Variants in AGGF1 observed in about 807,000 individuals in gnomAD.
The protein encoded by AGGF1 is angiogenic factor with G patch and FHA domains 1.
In AGGF1, 56 loss-of-function variants were observed where a neutral mutation model predicts 86.5. The observed-to-expected ratio is 0.65, with a 90% confidence interval of 0.52 to 0.81. The LOEUF (loss-of-function observed/expected upper bound fraction) is 0.81. Ranked by LOEUF, AGGF1 falls within the 30% of genes least tolerant of loss-of-function variation. AGGF1 has a pLI of 0.00. For synonymous variants in AGGF1, 313 were observed against 297.1 expected, an observed-to-expected ratio of 1.05 and a Z score of -0.55; for missense variants, 816 against 850.9, an observed-to-expected ratio of 0.96 and a Z score of 0.51.
In AGGF1 at chr5:77,042,798, G is replaced by C. The variant is rs1361741347; in HGVS notation, c.870+3079G>C. Among the ~76,000 whole-genome samples the C allele has an allele frequency of 1.0e-4, 6 of 57,438 alleles. 2 individuals are homozygous for C. Among genetic ancestry groups the C allele is most frequent in the Non-Finnish European group, 2.2e-4 (5 of 22,544 alleles). The allele number at this position is 57,438 out of a possible 152,430, so 37.7% of individuals were successfully genotyped here. On this transcript the variant is annotated intron_variant, in intron 5 of 13. Coordinates refer to ENST00000312916, the MANE Select transcript of AGGF1 (RefSeq NM_018046.5). The stretch of plus-strand genomic sequence containing the variant: ...CACCTCCCTCCCGGACGGGGCGGCT[G>C]GCCGGGCGGGGGCTGACCCCCCCAC...
intron 13 of AGGF1, 46 bp from the exon 14 acceptor site, chr5:77,063,006 G>A: frequency 6.2e-7 from 1 of 1,600,072 alleles, no homozygotes; most frequent in Admixed American, 1.7e-5. Flanking sequence ...AGATTTCAAT[G>A]TGTTTAGACT....
At chr5:77,032,261 A>AAAC (rs920103655) in intron 1 of AGGF1, among the ~76,000 whole-genome samples, 15 of 150,092 alleles carry the variant, frequency 1.0e-4, no homozygotes, top group African/African-American at 3.7e-4. Flanking sequence ...GTAAAAAAAA[A>AAAC]AAAAAAAAAA....
At chr5:77,051,402 C>T (rs1048112378) in intron 8 of AGGF1, among the ~76,000 whole-genome samples, 2 of 149,074 alleles carry the variant, frequency 1.3e-5, no homozygotes, top group Admixed American at 6.7e-5. Context: ...CACTGCACTC[C>T]GGCCTGGGCA....
intron 1 of AGGF1, 37 bp from the exon 2 acceptor site, chr5:77,034,381 C>G (rs1746925358): frequency 2.4e-6 from 3 of 1,263,578 alleles, no homozygotes; most frequent in Middle Eastern, 2.0e-4. Flanking sequence ...TAGATTGTTA[C>G]ATGATTTCTT....
chr5:77,062,136 A>G (rs182512780), intron 13 of AGGF1, among the ~76,000 whole-genome samples: 23 of 152,346 alleles, frequency 1.5e-4, no homozygotes, highest in African/African-American at 5.3e-4. Context: ...GTTTACAAAC[A>G]GGTGGATTGT....
chr5:77,063,633 C>T lies in AGGF1; in HGVS notation c.*381C>T, dbSNP rs748988557. 11 of 199,044 alleles carry T rather than the reference C, an allele frequency of 5.5e-5. No homozygotes were observed. The highest frequency in any genetic ancestry group is 8.2e-5 in the Non-Finnish European group (8 of 97,224). The allele number at this position is 199,044 out of a possible 1,614,324, so 12.3% of individuals were successfully genotyped here. A position where few individuals can be genotyped will look rare whatever the true frequency, so the allele number is the denominator to read the frequency against. On this transcript the variant is annotated 3_prime_UTR_variant, in exon 14 of 14. Transcript: ENST00000312916. ...CATGTAAGATGCACAACAAAAGAAA[C>T]ATCAGAAGTTTATAAAAATAAATCT...
At chr5:77,041,719 G>A (rs550199863) in intron 5 of AGGF1, among the ~76,000 whole-genome samples, 9 of 150,886 alleles carry the variant, frequency 6.0e-5, no homozygotes, top group South Asian at 4.2e-4. Context: ...GTCCAGCCTC[G>A]CTCCCATAAC....
At chr5:77,048,709 A>T (rs1373513262) in intron 7 of AGGF1, among the ~76,000 whole-genome samples, 1 of 152,212 alleles carries the variant, frequency 6.6e-6, no homozygotes, top group Non-Finnish European at 1.5e-5. Context: ...CAAAATGTCT[A>T]CCCAAAGGAA....
chr5:77,049,028 A>G, intron 8 of AGGF1, 41 bp downstream of exon 8: 3 of 1,573,062 alleles, frequency 1.9e-6, no homozygotes, highest in Non-Finnish European at 1.7e-6. Context: ...CCTAGATGTA[A>G]TTTTTTATAT....
At chr5:77,046,092 G>A (rs1376850458) in intron 5 of AGGF1, among the ~76,000 whole-genome samples, 1 of 152,168 alleles carries the variant, frequency 6.6e-6, no homozygotes, top group African/African-American at 2.4e-5. Context: ...AAAGTCTGTA[G>A]CACTTCGTAA....
intron 12 of AGGF1, 91 bp downstream of exon 12, chr5:77,059,834 G>A: frequency 6.7e-7 from 1 of 1,499,038 alleles, no homozygotes; most frequent in Admixed American, 1.7e-5. Flanking sequence ...TATCCTGATA[G>A]GTGGCCTATT....
chr5:77,057,961 G>C (rs568132442), intron 11 of AGGF1, among the ~76,000 whole-genome samples: 1 of 152,264 alleles, frequency 6.6e-6, no homozygotes, highest in South Asian at 2.1e-4. Flanking sequence ...CACCATTTAT[G>C]TAAACTTCTA....
intron 2 of AGGF1, 31 bp from the exon 3 acceptor site, chr5:77,035,507 TATG>T: frequency 1.3e-6 from 2 of 1,510,668 alleles, no homozygotes; most frequent in Non-Finnish European, 1.8e-6. Flanking sequence ...ATTATTCTAA[TATG>T]ATACGATTTC....
At chr5:77,042,110 A>G (rs1747100966) in intron 5 of AGGF1, among the ~76,000 whole-genome samples, 1 of 151,888 alleles carries the variant, frequency 6.6e-6, no homozygotes, top group South Asian at 2.1e-4. Context: ...CACATGTTTC[A>G]GAGAGCACAG....
intron 5 of AGGF1, among the ~76,000 whole-genome samples, chr5:77,043,719 CG>C (rs1299699172): frequency 8.1e-5 from 11 of 136,204 alleles, no homozygotes; most frequent in Non-Finnish European, 1.8e-4. Flanking sequence ...GGCTGCCGGG[CG>C]GAGACGCTCC....
chr5:77,052,006 C>G (rs1053620040), intron 8 of AGGF1, among the ~76,000 whole-genome samples: 1 of 152,138 alleles, frequency 6.6e-6, no homozygotes, highest in African/African-American at 2.4e-5. Context: ...TATTGAACAT[C>G]TTGGAAACTT....
intron 11 of AGGF1, among the ~76,000 whole-genome samples, chr5:77,058,911 A>G (rs1389141626): frequency 6.6e-6 from 1 of 152,220 alleles, no homozygotes; most frequent in East Asian, 1.9e-4. Context: ...ATTACCTAGC[A>G]TGGAGCTTGA....
Position 77,032,563 on chromosome 5 carries a change from CAAAA to C in AGGF1, c.210+1607_210+1610del, listed in dbSNP as rs4025997. Among the ~76,000 whole-genome samples the C allele has an allele frequency of 8.2e-4, 77 of 94,144 alleles. 1 individual carries two copies. The highest frequency in any genetic ancestry group is 1.6e-3 in the South Asian group (4 of 2,456). The allele number at this position is 94,144 out of a possible 152,430, so 61.8% of individuals were successfully genotyped here. A position where few individuals can be genotyped will look rare whatever the true frequency, so the allele number is the denominator to read the frequency against. ...TGGGCGACAAAGCAAGACTCCGTCT[CAAAA>C]AAAAAAAAAAAAAAAAAAATGGGGA... On this transcript the variant is annotated intron_variant, in intron 1 of 13. Coordinates refer to ENST00000312916, the MANE Select transcript of AGGF1 (RefSeq NM_018046.5).
chr5:77,041,544 G>C (rs1286938031), intron 5 of AGGF1, among the ~76,000 whole-genome samples: 3 of 138,728 alleles, frequency 2.2e-5, no homozygotes, highest in African/African-American at 8.0e-5. Context: ...TGCAGCCTGG[G>C]CAACAGAGCG....
Sources: gnomAD v4.1 joint callset for allele counts (sites outside exome capture counted in the v4.1 genomes callset) on GRCh38, gnomAD v4.1.1 for gene constraint, MANE v1.5 for transcripts, NCBI Gene and HGNC (gene_info 2026-07-23, HGNC 2026-07-21) for gene names.